The following CASP10 variants were observed in gnomAD, a reference collection of about 807,000 sequenced individuals.
CASP10 encodes caspase 10, also known as caspase-10.
CASP10 carries 41 observed loss-of-function variants against 48.5 expected under a neutral mutation model. The observed-to-expected ratio is 0.85, with a 90% CI of 0.66 to 1.10. CASP10 has a LOEUF of 1.10. Ranked by LOEUF, CASP10 falls within the 50% of genes least tolerant of loss-of-function variation. CASP10 has a pLI of 0.00. For missense variants in CASP10, 614 were observed against 614.5 expected (o/e 1.00, Z 0.01); for synonymous variants, 232 against 238.4 (o/e 0.97, Z 0.25).
chr2:201,209,347 C>T lies in CASP10; in HGVS notation c.1200C>T (p.Ala400=), dbSNP rs1312938336. The change falls in exon 9 of 10, where the codon GCC becomes GCT. Residue 400 remains alanine (A), a synonymous_variant. Transcript: ENST00000286186. The stretch of plus-strand genomic sequence containing the variant: ...AACCTAAACTCTTTTTCATCCAGGC[C>T]TGCCAAGGTGAAGAGATACAGCCTT... ...AEKPKLFFIQ[A]CQGEEIQPSV... 2 of 1,614,122 alleles carry T rather than the reference C, an allele frequency of 1.2e-6. No homozygotes were observed. The highest frequency in any genetic ancestry group is 3.3e-5 in the Admixed American group (2 of 60,018).
downstream of CASP10, among the ~76,000 whole-genome samples, chr2:201,224,325 A>G (rs913214038): frequency 4.6e-5 from 7 of 152,196 alleles, no homozygotes; most frequent in Admixed American, 4.6e-4. Context: ...CCTTTTAAAA[A>G]GCACTAGAGG....
intron 5 of CASP10, among the ~76,000 whole-genome samples, chr2:201,201,088 C>T (rs562556883): frequency 7.9e-5 from 12 of 151,914 alleles, no homozygotes; most frequent in African/African-American, 1.9e-4. Context: ...GATGGAGTCT[C>T]GCTCTGTCAC....
intron 7 of CASP10, 64 bp downstream of exon 7, chr2:201,206,037 G>A: frequency 1.9e-6 from 2 of 1,043,872 alleles, no homozygotes; most frequent in Admixed American, 2.0e-5. Flanking sequence ...TTAATCAAAA[G>A]GACGGTTTCT....
intron 9 of CASP10, chr2:201,212,983 A>G (rs763317140): frequency 2.6e-5 from 4 of 152,196 alleles, no homozygotes; most frequent in Non-Finnish European, 4.4e-5. Flanking sequence ...CTATTTTTAC[A>G]TAGTATGGAT....
At chr2:201,207,980 T>C in intron 7 of CASP10, 95 bp from the exon 8 acceptor site, 1 of 822,438 alleles carries the variant, frequency 1.2e-6, no homozygotes, top group Non-Finnish European at 2.1e-6. Flanking sequence ...TACATCCTGC[T>C]CTTCCTCACA....
Position 201,218,170 on chromosome 2 carries a change from C to T in CASP10, c.*429C>T, listed in dbSNP as rs1945633653. On this transcript the variant is annotated 3_prime_UTR_variant, in exon 10 of 10. Transcript: ENST00000286186. ...CTCCTAGGCCCAAGTGATCCTCCCA[C>T]CTCTGTCCCCAAAATACTGGGATTA... is the stretch of plus-strand genomic sequence containing the variant. The T allele has an allele frequency of 9.6e-7, 1 of 1,040,852 alleles. No homozygotes were observed. The highest frequency in any genetic ancestry group is 1.7e-5 in the African/African-American group (1 of 58,378). 64.5% of individuals were successfully genotyped at this position (1,040,852 alleles called of 1,614,324 possible).
chr2:201,186,061 T>C lies in CASP10; in HGVS notation c.284T>C (p.Leu95Pro), dbSNP rs1944405008. Residue 95 changes from leucine to proline, a missense_variant, in exon 2 of 10, where the codon CTC becomes CCC. Coordinates refer to ENST00000286186, the MANE Select transcript of CASP10 (RefSeq NM_032977.4). ...IIRQKKLLQH[L>P]NCTKEEVERL... ...CGGCAGAAGAAGCTGCTGCAGCACC[T>C]CAACTGTACCAAAGAGGAAGTGGAG... is the stretch of plus-strand genomic sequence containing the variant. 2 of 1,612,604 alleles carry C rather than the reference T, an allele frequency of 1.2e-6. No individual in the cohort carries two copies. Among genetic ancestry groups the C allele is most frequent in the Non-Finnish European group, 1.7e-6 (2 of 1,179,988 alleles).
intron 5 of CASP10, among the ~76,000 whole-genome samples, chr2:201,200,977 G>C (rs1260531679): frequency 1.3e-5 from 2 of 152,004 alleles, no homozygotes; most frequent in Admixed American, 1.3e-4. Context: ...CAACTCCCTG[G>C]CCATGGGCAC....
chr2:201,228,602 T>C (rs12693931), intron 9 of CASP10, among the ~76,000 whole-genome samples: 72,222 of 151,960 alleles, frequency 0.48, 17,653 homozygotes, highest in African/African-American at 0.54. Flanking sequence ...ATTTTACAGA[T>C]CAGAAAATCA....
At chr2:201,196,040 A>C in intron 5 of CASP10, 92 bp downstream of exon 5, 1 of 838,612 alleles carries the variant, frequency 1.2e-6, no homozygotes, top group East Asian at 2.4e-5. Context: ...AAAGAGAGAG[A>C]GGCCCCGGTT....
chr2:201,218,128 C>A lies in CASP10; in HGVS notation c.*387C>A. Reference sequence around the variant, plus strand: ...GAGATGGAGGGATCTCACTTTGTTGCACAGGCTGGTTTCAAACTCCTAGGC... The same window carrying A: ...GAGATGGAGGGATCTCACTTTGTTGAACAGGCTGGTTTCAAACTCCTAGGC... On this transcript the variant is annotated 3_prime_UTR_variant, in exon 10 of 10. Transcript: ENST00000286186. The A allele has an allele frequency of 3.4e-6, 3 of 870,224 alleles. No homozygotes were observed. The highest frequency in any genetic ancestry group is 4.4e-6 in the Non-Finnish European group (3 of 684,556). 53.9% of individuals were successfully genotyped at this position (870,224 alleles called of 1,614,324 possible).
In CASP10 at chr2:201,219,238, C is replaced by T; in HGVS notation, c.*1497C>T. On this transcript the variant is annotated 3_prime_UTR_variant, in exon 10 of 10. Transcript: ENST00000286186. ...TGAGCCAAGATGACACAACTGCACT[C>T]CAGCTTGGGCAACAGGGCGAGACCT... The T allele has an allele frequency of 5.1e-6, 1 of 195,682 alleles. No individual in the cohort carries two copies. Among genetic ancestry groups the T allele is most frequent in the Non-Finnish European group, 9.3e-6 (1 of 107,822 alleles). 12.1% of individuals were successfully genotyped at this position (195,682 alleles called of 1,614,324 possible). A position where few individuals can be genotyped will look rare whatever the true frequency, so the allele number is the denominator to read the frequency against.
rs529961399 is a variant in CASP10 at position 201,194,809 on chromosome 2, C to T, written c.578-1033C>T. On this transcript the variant is annotated intron_variant, in intron 4 of 9. Transcript: ENST00000286186. ...ATTTTTATTTTTTGAGATGGAGTCT[C>T]GCTCTGTTGCCCAGGCTGCAGTGCA... Among the ~76,000 whole-genome samples, 160 of 152,068 alleles carry T rather than the reference C, an allele frequency of 1.1e-3. 1 individual carries two copies. The highest frequency in any genetic ancestry group is 3.4e-3 in the African/African-American group (143 of 41,470).
rs1269875748 is a variant in CASP10, at chr2:201,207,416, T to C, written c.814-659T>C. 2.1e-5 allele frequency among the ~76,000 whole-genome samples: 3 copies of C among 142,774 alleles called. No homozygotes were observed. In the East Asian group the frequency reaches 6.2e-4, roughly 30 times the overall value. 93.7% of individuals were successfully genotyped at this position (142,774 alleles called of 152,430 possible). On this transcript the variant is annotated intron_variant, in intron 7 of 9. Transcript: ENST00000286186. Reference sequence around the variant, plus strand: ...TGGGCGAATCACTTGAGGTCAGGAGTTCAAGACCAGCCTGGCCAACATGGT... The same window carrying C: ...TGGGCGAATCACTTGAGGTCAGGAGCTCAAGACCAGCCTGGCCAACATGGT...
chr2:201,204,618 C>A (rs535088343), intron 6 of CASP10, among the ~76,000 whole-genome samples: 1 of 152,186 alleles, frequency 6.6e-6, no homozygotes, highest in African/African-American at 2.4e-5. Flanking sequence ...GTGCTTTGCA[C>A]TGCAGCTAAA....
chr2:201,217,672 G>A lies in CASP10; in HGVS notation c.1500G>A (p.Met500Ile). Reference protein sequence around the residue: ...RVDKQGTKKQMPQPAFTLRKK... With the variant: ...RVDKQGTKKQIPQPAFTLRKK... ...ACAAACAGGGAACAAAGAAACAGAT[G>A]CCCCAGCCTGCTTTCACACTAAGGA... Residue 500 changes from methionine (M) to isoleucine (I), a missense_variant, in exon 10 of 10, where the codon ATG becomes ATA. Coordinates refer to ENST00000286186, the MANE Select transcript of CASP10 (RefSeq NM_032977.4). The A allele has an allele frequency of 6.2e-7, 1 of 1,614,128 alleles. No homozygotes were observed. The highest frequency in any genetic ancestry group is 1.1e-5 in the South Asian group (1 of 91,080).
intron 2 of CASP10, chr2:201,186,333 G>A (rs1327009487): frequency 1.8e-6 from 1 of 549,940 alleles, no homozygotes; most frequent in Non-Finnish European, 3.3e-6. Flanking sequence ...CAAGCCCTGG[G>A]CCCAGAGGTG....
Position 201,219,457 on chromosome 2 carries a change from C to T in CASP10, c.*1716C>T, listed in dbSNP as rs948227015. ...TACAGGCCAGCACCTTTCTCTTGGC[C>T]GGATGTCCTCAGGGCTGGCAGATGC... On this transcript the variant is annotated 3_prime_UTR_variant, in exon 10 of 10. Transcript: ENST00000286186. The T allele has an allele frequency of 2.4e-5, 24 of 985,354 alleles. No homozygotes were observed. Among genetic ancestry groups the T allele is most frequent in the Middle Eastern group, 5.2e-4 (1 of 1,936 alleles). The allele number at this position is 985,354 out of a possible 1,614,324, so 61.0% of individuals were successfully genotyped here.
intron 9 of CASP10, among the ~76,000 whole-genome samples, chr2:201,216,606 G>A (rs897540320): frequency 2.6e-5 from 4 of 152,154 alleles, no homozygotes; most frequent in African/African-American, 9.7e-5. Flanking sequence ...GGGGATGAGA[G>A]TAGTCATACT....
Sources: allele counts gnomAD v4.1 joint callset (sites outside exome capture counted in the v4.1 genomes callset), GRCh38; gene constraint gnomAD v4.1.1; transcripts MANE v1.5; gene names NCBI Gene and HGNC (gene_info 2026-07-23, HGNC 2026-07-21).